The following MRTFA variants were observed in gnomAD, a reference collection of about 807,000 sequenced individuals.
MRTFA encodes myocardin-related transcription factor A.
A neutral mutation model predicts 83.5 loss-of-function variants in MRTFA; 20 were observed. That is an observed-to-expected ratio of 0.24 (90% CI 0.17 to 0.35). The LOEUF is 0.35. Among genes scored for constraint, MRTFA ranks in the 10% least tolerant of loss-of-function variants. The pLI is 1.00. For missense variants in MRTFA, 1,200 were observed against 1,224.7 expected, an observed-to-expected ratio of 0.98 and a Z score of 0.30; for synonymous variants, 659 against 541.2, an observed-to-expected ratio of 1.22 and a Z score of -3.02.
At position 40,618,917 on chromosome 22, in the gene MRTFA, C is replaced by T. The variant is rs533906479; in HGVS notation, c.-84+17561G>A. ...CAGAGGTTTCAGTGAGCCAAGACTG[C>T]GCCACTGCACTCCAGCCTGGGTGAC... On this transcript the variant is annotated intron_variant, in intron 1 of 14. Transcript: ENST00000355630. Among the ~76,000 whole-genome samples, 29 of 151,680 alleles carry T rather than the reference C, an allele frequency of 1.9e-4. 1 individual carries two copies. Among genetic ancestry groups the T allele is most frequent in the Admixed American group, 1.8e-3 (27 of 15,242 alleles).
At chr22:40,449,856 T>A (rs932058334) in intron 4 of MRTFA, among the ~76,000 whole-genome samples, 1 of 152,222 alleles carries the variant, frequency 6.6e-6, no homozygotes, top group Non-Finnish European at 1.5e-5. Flanking sequence ...ACACCCTGGC[T>A]AGGGCTTAAT....
At chr22:40,533,640 G>T in intron 3 of MRTFA, 1 of 1,228,764 alleles carries the variant, frequency 8.1e-7, no homozygotes, top group Non-Finnish European at 1.0e-6. Flanking sequence ...AGTCATGACG[G>T]ATTCTTCCAG....
chr22:40,419,609 T>C (rs915032575), intron 11 of MRTFA, among the ~76,000 whole-genome samples: 3 of 152,172 alleles, frequency 2.0e-5, no homozygotes, highest in Admixed American at 1.3e-4. Context: ...TCCCCACCTA[T>C]GCAGGCAACG....
chr22:40,428,942 A>G (rs2053011824), intron 7 of MRTFA, among the ~76,000 whole-genome samples: 2 of 152,088 alleles, frequency 1.3e-5, no homozygotes, highest in African/African-American at 4.8e-5. Context: ...CTCATCCTTC[A>G]GCCCCAGGCT....
intron 4 of MRTFA, among the ~76,000 whole-genome samples, chr22:40,437,730 T>C (rs1285941597): frequency 6.9e-6 from 1 of 144,644 alleles, no homozygotes. Flanking sequence ...GCCACTGCAC[T>C]CCAGCCTGGG....
intron 4 of MRTFA, among the ~76,000 whole-genome samples, chr22:40,448,562 T>C (rs1449524607): frequency 5.9e-5 from 9 of 152,226 alleles, no homozygotes; most frequent in South Asian, 2.1e-4. Flanking sequence ...TCTTTCACAT[T>C]TGGCCATCTT....
At chr22:40,581,690 A>G (rs1047684718) in intron 2 of MRTFA, among the ~76,000 whole-genome samples, 38 of 152,254 alleles carry the variant, frequency 2.5e-4, no homozygotes, top group African/African-American at 8.7e-4. Flanking sequence ...AGAGTCAGAC[A>G]CTATGGAATT....
intron 1 of MRTFA, among the ~76,000 whole-genome samples, chr22:40,623,022 G>T (rs184442946): frequency 6.6e-6 from 1 of 152,236 alleles, no homozygotes; most frequent in African/African-American, 2.4e-5. Context: ...GTAACTAGAA[G>T]AGTTATCATT....
intron 1 of MRTFA, among the ~76,000 whole-genome samples, chr22:40,607,499 G>A (rs577163685): frequency 3.2e-5 from 4 of 126,590 alleles, no homozygotes; most frequent in East Asian, 6.2e-4. Context: ...GCGAGACTCC[G>A]TCTCAAAAAA....
intron 4 of MRTFA, among the ~76,000 whole-genome samples, chr22:40,454,112 T>C (rs1268724561): frequency 6.6e-6 from 1 of 152,216 alleles, no homozygotes; most frequent in Non-Finnish European, 1.5e-5. Context: ...GAACTGTATT[T>C]ATTGGAAAAC....
In MRTFA at chr22:40,417,282, TCAGCCCAGCAGCCTAGGGCAG is replaced by T. The variant is rs146110732; in HGVS notation, c.2517+38_2517+58del. 2.9e-4 allele frequency: 457 copies of T among 1,572,070 alleles called. 3 individuals carry two copies. The African/African-American group carries it at 5.6e-3, about 19-fold the overall frequency. ...TCCTCCGGGTGGGGCTGTAGGAGCCTCAGCCCAGCAGCCTAGGGCAGCTGCCAACACTAGCCAGGCCTAGCC... is the reference window on the plus strand; with the variant it reads ...TCCTCCGGGTGGGGCTGTAGGAGCCTCTGCCAACACTAGCCAGGCCTAGCC... On this transcript the variant is annotated intron_variant, in intron 13 of 14. Coordinates refer to ENST00000355630, the MANE Select transcript of MRTFA (RefSeq NM_020831.6).
At chr22:40,428,538 G>A (rs2053001713) in intron 7 of MRTFA, among the ~76,000 whole-genome samples, 2 of 152,246 alleles carry the variant, frequency 1.3e-5, no homozygotes, top group African/African-American at 2.4e-5. Context: ...TTTTGAGACA[G>A]GGTCTCACTC....
intron 3 of MRTFA, among the ~76,000 whole-genome samples, chr22:40,510,503 G>A (rs1235209856): frequency 1.3e-5 from 2 of 151,898 alleles, no homozygotes; most frequent in Non-Finnish European, 2.9e-5. Flanking sequence ...GAGTTCAAAA[G>A]GTCCTAAATG....
At chr22:40,430,565 A>G (rs978857348) in intron 6 of MRTFA, among the ~76,000 whole-genome samples, 4 of 151,940 alleles carry the variant, frequency 2.6e-5, no homozygotes, top group Non-Finnish European at 5.9e-5. Flanking sequence ...TTCACTAAAA[A>G]TGTGGAAAGA....
chr22:40,454,531 A>T (rs1313493913), intron 4 of MRTFA, among the ~76,000 whole-genome samples: 1 of 152,190 alleles, frequency 6.6e-6, no homozygotes, highest in Non-Finnish European at 1.5e-5. Flanking sequence ...AAGCTCCTCC[A>T]TTCTTAAATG....
chr22:40,586,886 T>C (rs1010061080), intron 2 of MRTFA: 1 of 204,220 alleles, frequency 4.9e-6, no homozygotes, highest in South Asian at 2.9e-5. Flanking sequence ...TGGCCTCTAG[T>C]GCTGCTGGTG....
intron 1 of MRTFA, among the ~76,000 whole-genome samples, chr22:40,635,366 G>C (rs1045441823): frequency 6.6e-6 from 1 of 152,102 alleles, no homozygotes; most frequent in Admixed American, 6.6e-5. Flanking sequence ...TACAGGCTTC[G>C]GCTTGATGTA....
chr22:40,411,504 C>T lies in MRTFA; in HGVS notation c.2982G>A (p.Ser994=), dbSNP rs764653388. ...CTAGGCTCAGCACGGGACCACCTGA[C>T]GACAGCTCCAGCCAGTCCATGCTGT... Residue 994 remains serine, a synonymous_variant, in exon 15 of 15, where the codon TCG becomes TCA. Coordinates refer to ENST00000355630, the MANE Select transcript of MRTFA (RefSeq NM_020831.6). 101 of 1,611,380 alleles carry T rather than the reference C, an allele frequency of 6.3e-5. No individual in the cohort carries two copies. The highest frequency in any genetic ancestry group is 4.9e-4 in the Middle Eastern group (3 of 6,072).
At chr22:40,480,317 T>C (rs1430976136) in intron 3 of MRTFA, among the ~76,000 whole-genome samples, 1 of 152,030 alleles carries the variant, frequency 6.6e-6, no homozygotes, top group East Asian at 1.9e-4. Context: ...TCCTGCATTG[T>C]TGCCCAGGCT....
Sources: gnomAD v4.1 joint callset for allele counts (sites outside exome capture counted in the v4.1 genomes callset) on GRCh38, gnomAD v4.1.1 for gene constraint, MANE v1.5 for transcripts, NCBI Gene and HGNC (gene_info 2026-07-23, HGNC 2026-07-21) for gene names.